MFN2: variants seen among roughly 807,000 people sequenced by gnomAD.
MFN2 encodes the protein mitofusin-2.
In MFN2, 43 loss-of-function variants were observed where a neutral mutation model predicts 87.5. The observed-to-expected ratio is 0.49, with a 90% CI of 0.38 to 0.63. MFN2 has a LOEUF of 0.63. Among genes scored for constraint, MFN2 ranks in the 30% least tolerant of loss-of-function variants. MFN2 has a pLI of 0.00. For synonymous variants in MFN2, 337 were observed against 359.9 expected (o/e 0.94, Z 0.72); for missense variants, 743 against 972.8 (o/e 0.76, Z 3.14).
At chr1:12,006,299 C>T (rs148228215) in intron 15 of MFN2, among the ~76,000 whole-genome samples, 1 of 152,326 alleles carries the variant, frequency 6.6e-6, no homozygotes, top group African/African-American at 2.4e-5. Flanking sequence ...TGTACACATC[C>T]CACACTCGGG....
In MFN2 at chr1:12,003,918, T is replaced by G; in HGVS notation, c.1161-74T>G. On this transcript the variant is annotated intron_variant, in intron 11 of 18. Transcript: ENST00000235329. This position sits in a 1 kb window ranked among gnomAD's most constrained non-coding sequence, Gnocchi z 4.1. ...AGATAGCGGGCAGGGCGGCGTGGGA[T>G]TTCTGGCATCCCCTCTTGCTCCTCT... The G allele has an allele frequency of 6.2e-7, 1 of 1,604,280 alleles. No individual in the cohort carries two copies. Among genetic ancestry groups the G allele is most frequent in the South Asian group, 1.1e-5 (1 of 90,766 alleles).
chr1:11,980,516 A>C (rs1645962684), intron 1 of MFN2, 32 bp downstream of exon 1: 2 of 398,016 alleles, frequency 5.0e-6, no homozygotes, highest in African/African-American at 4.1e-5. Flanking sequence ...GGTGGCGGGG[A>C]CTGGCCCGGC....
chr1:12,004,189 C>T lies in MFN2; in HGVS notation c.1287+71C>T. ...TAGAGTCCAGAAGAAAGCAGACCTC[C>T]TCCTCTTAGGGACTTCTCAGCCTTT... On this transcript the variant is annotated intron_variant, in intron 12 of 18. Transcript: ENST00000235329. This position sits in a 1 kb window ranked among gnomAD's most constrained non-coding sequence, Gnocchi z 4.2. 1.3e-6 allele frequency: 2 copies of T among 1,592,438 alleles called. No individual in the cohort carries two copies. Among genetic ancestry groups the T allele is most frequent in the Non-Finnish European group, 1.7e-6 (2 of 1,164,738 alleles).
Position 12,009,708 on chromosome 1 carries a change from G to C in MFN2, c.2186G>C (p.Ser729Thr). ...KKIEVLDSLQSKAKLLRNKAG... is the reference protein window; with the variant it reads ...KKIEVLDSLQTKAKLLRNKAG... ...ATTGAGGTTCTTGACTCACTTCAGAGCAAAGCAAAGCTGCTCAGGTGAGGC... is the reference window on the plus strand; with the variant it reads ...ATTGAGGTTCTTGACTCACTTCAGACCAAAGCAAAGCTGCTCAGGTGAGGC... Residue 729 changes from serine (S) to threonine (T), a missense_variant, in exon 18 of 19, where the codon AGC becomes ACC. Ser to Thr is a moderately conservative substitution (Grantham distance 58). Around this residue, in one of 3 missense-constraint regions of MFN2, gnomAD observed 571 missense variants for 670.7 expected, o/e 0.85. Transcript: ENST00000235329. 1 of 1,614,268 alleles carries C rather than the reference G, an allele frequency of 6.2e-7. No homozygotes were observed. The highest frequency in any genetic ancestry group is 1.1e-5 in the South Asian group (1 of 91,092).
intron 15 of MFN2, among the ~76,000 whole-genome samples, chr1:12,006,309 G>A (rs538133885): frequency 3.9e-5 from 6 of 152,308 alleles, no homozygotes; most frequent in Non-Finnish European, 7.3e-5. Context: ...CCACACTCGG[G>A]GAAGCTGCCA....
chr1:11,992,335 A>G, intron 3 of MFN2: 1 of 604,490 alleles, frequency 1.7e-6, no homozygotes, highest in African/African-American at 1.9e-5. Context: ...GAAAGTGGTA[A>G]GAACCAGCTT....
Position 11,989,202 on chromosome 1 carries a change from G to A in MFN2, c.34G>A (p.Val12Ile), listed in dbSNP as rs367715413. The change falls in exon 3 of 19, where the codon GTC becomes ATC. Residue 12 changes from valine to isoleucine, a missense_variant. Val to Ile is a conservative substitution (Grantham distance 29). Around this residue, in one of 3 missense-constraint regions of MFN2, gnomAD observed 31 missense variants for 23.2 expected, o/e 1.33. Transcript: ENST00000235329. ...GCTCTTCTCTCGATGCAACTCTATCGTCACAGTCAAGAAAAATAAGAGACA... is the reference window on the plus strand; with the variant it reads ...GCTCTTCTCTCGATGCAACTCTATCATCACAGTCAAGAAAAATAAGAGACA... The part of the protein sequence containing the change: ...SLLFSRCNSI[V>I]TVKKNKRHMA... 3.3e-5 allele frequency: 53 copies of A among 1,614,026 alleles called. 1 individual carries two copies. The highest frequency in any genetic ancestry group is 1.3e-4 in the African/African-American group (10 of 74,960).
chr1:11,981,459 C>T (rs1645983150), intron 1 of MFN2, among the ~76,000 whole-genome samples: 1 of 152,244 alleles, frequency 6.6e-6, no homozygotes, highest in African/African-American at 2.4e-5. Context: ...GATCGCGCTG[C>T]TGCACTCCAG....
intron 16 of MFN2, 107 bp downstream of exon 16, chr1:12,006,800 C>T: frequency 6.7e-7 from 1 of 1,486,546 alleles, no homozygotes; most frequent in East Asian, 2.3e-5. Context: ...CTCCACAGTC[C>T]ACTGCATACT....
chr1:11,983,322 C>T (rs952952782), intron 2 of MFN2, among the ~76,000 whole-genome samples: 13 of 152,196 alleles, frequency 8.5e-5, no homozygotes, highest in South Asian at 6.2e-4. Flanking sequence ...CTACCCACCT[C>T]GGCCTCCCAG....
chr1:12,010,703 T>G (rs1639654547), intron 18 of MFN2, among the ~76,000 whole-genome samples: 1 of 151,706 alleles, frequency 6.6e-6, no homozygotes, highest in South Asian at 2.1e-4. Flanking sequence ...CCCAAGCTCT[T>G]AACTCTCCTG....
chr1:12,008,803 G>A (rs998610637), intron 17 of MFN2, among the ~76,000 whole-genome samples: 1 of 142,826 alleles, frequency 7.0e-6, no homozygotes, highest in African/African-American at 2.6e-5. Flanking sequence ...TCTCAGACGG[G>A]GTGGCGGCCG....
rs574282420 is a variant in MFN2 at position 11,986,982 on chromosome 1, GT to G, written c.-4-2182del. The stretch of plus-strand genomic sequence containing the variant: ...AAGCTACAAAGATATGTAGGATTGA[GT>G]GAGAGCAAGAGAGACAGTCACACAA... On this transcript the variant is annotated intron_variant, in intron 2 of 18. Coordinates refer to ENST00000235329, the MANE Select transcript of MFN2 (RefSeq NM_014874.4). Among the ~76,000 whole-genome samples, 13 of 152,332 alleles carry G rather than the reference GT, an allele frequency of 8.5e-5. No individual in the cohort carries two copies. The East Asian group carries it at 1.7e-3, about 20-fold the overall frequency.
chr1:12,009,956 C>T (rs1280124177), intron 18 of MFN2, among the ~76,000 whole-genome samples: 4 of 152,210 alleles, frequency 2.6e-5, no homozygotes, highest in African/African-American at 9.7e-5. Flanking sequence ...GAGTTTGAGA[C>T]TAGCCTGACC....
At chr1:12,005,567 G>T in intron 14 of MFN2, 144 bp from the exon 15 acceptor site, 1 of 873,688 alleles carries the variant, frequency 1.1e-6, no homozygotes, top group Non-Finnish European at 1.9e-6. Context: ...CAGTCTCACG[G>T]GCCAACTTGA....
Position 12,011,659 on chromosome 1 carries a change from C to T in MFN2, c.*94C>T. 10 of 1,325,020 alleles carry T rather than the reference C, an allele frequency of 7.5e-6. No homozygotes were observed. The South Asian group carries it at 1.2e-4, about 16-fold the overall frequency. The allele number at this position is 1,325,020 out of a possible 1,614,324, so 82.1% of individuals were successfully genotyped here. A position where few individuals can be genotyped will look rare whatever the true frequency, so the allele number is the denominator to read the frequency against. On this transcript the variant is annotated 3_prime_UTR_variant, in exon 19 of 19. Transcript: ENST00000235329. ...CCCAGGGGCACGTGTGGCTCCTGCC[C>T]CCTGGCCACTGCCAAGAGAATGAAG...
rs567481618 is a variant in MFN2, at chr1:12,003,440, G to A, written c.1161-552G>A. Among the ~76,000 whole-genome samples, 12 of 152,216 alleles carry A rather than the reference G, an allele frequency of 7.9e-5. No individual in the cohort carries two copies. The highest frequency in any genetic ancestry group is 1.8e-4 in the Non-Finnish European group (12 of 68,028). ...AACACTTTGGGAGGCCAAGGCGGAT[G>A]GATCACCTGAGGTCAGGAGTTCAAG... On this transcript the variant is annotated intron_variant, in intron 11 of 18. Transcript: ENST00000235329. This position sits in a 1 kb window ranked among gnomAD's most constrained non-coding sequence, Gnocchi z 4.1.
At position 12,012,729 on chromosome 1, in the gene MFN2, C is replaced by G. The variant is rs1438608807; in HGVS notation, c.*1164C>G. ...ATCTCCAGAACCTTCGACTGACCCC[C>G]TTGTCTTTATGCTGATGTTGAGTTT... On this transcript the variant is annotated 3_prime_UTR_variant, in exon 19 of 19. Transcript: ENST00000235329. 1 of 152,414 alleles carries G rather than the reference C, an allele frequency of 6.6e-6. No individual in the cohort carries two copies. The highest frequency in any genetic ancestry group is 1.5e-5 in the Non-Finnish European group (1 of 68,188). 9.4% of individuals were successfully genotyped at this position (152,414 alleles called of 1,614,324 possible). A position where few individuals can be genotyped will look rare whatever the true frequency, so the allele number is the denominator to read the frequency against.
In MFN2 at chr1:11,986,258, G is replaced by T. The variant is rs568613270; in HGVS notation, c.-4-2907G>T. Among the ~76,000 whole-genome samples the T allele has an allele frequency of 9.2e-5, 14 of 152,248 alleles. No homozygotes were observed. The South Asian group carries it at 2.9e-3, about 32-fold the overall frequency. On this transcript the variant is annotated intron_variant, in intron 2 of 18. Coordinates refer to ENST00000235329, the MANE Select transcript of MFN2 (RefSeq NM_014874.4). ...TCAGGACCTTGTGCAACATACTTTG[G>T]CCCCATTTGGAAGTTTTTCACGTGT...
Sources: gnomAD v4.1 joint callset for allele counts (sites outside exome capture counted in the v4.1 genomes callset) on GRCh38, gnomAD v4.1.1 for gene constraint, gnomAD v4.1.1 regional missense constraint, Gnocchi (gnomAD v3.1) non-coding constraint, MANE v1.5 for transcripts, NCBI Gene and HGNC (gene_info 2026-07-23, HGNC 2026-07-21) for gene names.